The following HSD17B4 variants were observed in gnomAD, a reference collection of about 807,000 sequenced individuals.
The protein encoded by HSD17B4 is peroxisomal multifunctional enzyme type 2.
Under a neutral mutation model 101.0 loss-of-function variants are expected in HSD17B4, and 70 were observed. The observed-to-expected ratio is 0.69, with a 90% CI of 0.57 to 0.85. The LOEUF is 0.85. Ranked by LOEUF, HSD17B4 falls within the 40% of genes least tolerant of loss-of-function variation. HSD17B4 has a pLI of 0.00. For synonymous variants in HSD17B4, 347 were observed against 297.1 expected (o/e 1.17, Z -1.73); for missense variants, 984 against 892.4 (o/e 1.10, Z -1.31).
intron 2 of HSD17B4, among the ~76,000 whole-genome samples, chr5:119,456,895 G>T (rs1754736051): frequency 6.6e-6 from 1 of 152,180 alleles, no homozygotes; most frequent in South Asian, 2.1e-4. Context: ...ATTGATAAAA[G>T]TAAGAAATAA....
In HSD17B4 at chr5:119,515,020, C is replaced by G. The variant is rs1239954997; in HGVS notation, c.1477C>G (p.Leu493Val). Residue 493 changes from leucine (L) to valine (V), a missense_variant, in exon 17 of 24, where the codon CTT becomes GTT. Coordinates refer to ENST00000510025, the MANE Select transcript of HSD17B4 (RefSeq NM_000414.4). ...ACCTAATAGACCTCCTGATGCTGTA[C>G]TTACAGATACCACCTCTCTTAATCA... ...AIPNRPPDAV[L>V]TDTTSLNQAA... 2 of 1,584,528 alleles carry G rather than the reference C, an allele frequency of 1.3e-6. No individual in the cohort carries two copies. Among genetic ancestry groups the G allele is most frequent in the Non-Finnish European group, 1.7e-6 (2 of 1,153,432 alleles).
chr5:119,466,668 T>C (rs1561433905), intron 2 of HSD17B4, among the ~76,000 whole-genome samples: 1 of 152,136 alleles, frequency 6.6e-6, no homozygotes, highest in Non-Finnish European at 1.5e-5. Flanking sequence ...TGATTTTATT[T>C]GTGTTTTCTC....
At chr5:119,492,053 G>C (rs1750156557) in intron 9 of HSD17B4, 47 bp from the exon 10 acceptor site, 1 of 1,485,034 alleles carries the variant, frequency 6.7e-7, no homozygotes, top group East Asian at 2.3e-5. Context: ...AATTGTATTA[G>C]TGATTTCACA....
intron 16 of HSD17B4, 105 bp downstream of exon 16, chr5:119,509,349 G>C (rs548179361): frequency 1.2e-6 from 1 of 807,640 alleles, no homozygotes; most frequent in East Asian, 2.4e-5. Context: ...CCCACTTATA[G>C]GCAAATTTTC....
chr5:119,485,727 G>A (rs141596838), intron 8 of HSD17B4, among the ~76,000 whole-genome samples: 3 of 152,024 alleles, frequency 2.0e-5, no homozygotes, highest in East Asian at 3.9e-4. Context: ...CACTTGATAC[G>A]TGAAAAATAA....
At chr5:119,536,998 ATAT>A (rs760682811) in intron 23 of HSD17B4, among the ~76,000 whole-genome samples, 3 of 152,154 alleles carry the variant, frequency 2.0e-5, no homozygotes, top group Non-Finnish European at 2.9e-5. Flanking sequence ...TATTTAGTTA[ATAT>A]TATTATGAAA....
At chr5:119,491,783 G>A (rs908556924) in intron 9 of HSD17B4, among the ~76,000 whole-genome samples, 2 of 152,062 alleles carry the variant, frequency 1.3e-5, no homozygotes, top group Non-Finnish European at 2.9e-5. Context: ...TTACATTTGA[G>A]GAAACTTGGA....
rs372782834 is a variant in HSD17B4 at position 119,499,348 on chromosome 5, T to A, written c.1004T>A (p.Phe335Tyr). 6.2e-7 allele frequency: 1 copy of A among 1,613,654 alleles called. No homozygotes were observed. Among genetic ancestry groups the A allele is most frequent in the African/African-American group, 1.3e-5 (1 of 74,922 alleles). Residue 335 changes from phenylalanine to tyrosine, a missense_variant, in exon 13 of 24, where the codon TTT becomes TAT. By Grantham distance (22) the Phe-to-Tyr change is conservative. Transcript: ENST00000510025. ...AGAIGQKLPPFSYAYTELEAI... is the reference protein window; with the variant it reads ...AGAIGQKLPPYSYAYTELEAI... The stretch of plus-strand genomic sequence containing the variant: ...GCTATTGGCCAGAAACTCCCTCCAT[T>A]TTCTTATGCTTATACGGAACTGGAA...
At position 119,525,951 on chromosome 5, in the gene HSD17B4, A is replaced by C. The variant is rs950112251; in HGVS notation, c.1608A>C (p.Thr536=). 1 of 1,611,376 alleles carries C rather than the reference A, an allele frequency of 6.2e-7. No individual in the cohort carries two copies. Among genetic ancestry groups the C allele is most frequent in the African/African-American group, 1.3e-5 (1 of 74,804 alleles). The change falls in exon 19 of 24, where the codon ACA becomes ACC. Residue 536 remains threonine (T), a synonymous_variant. Coordinates refer to ENST00000510025, the MANE Select transcript of HSD17B4 (RefSeq NM_000414.4). The stretch of plus-strand genomic sequence containing the variant: ...AGCCCATATTACATGGATTATGTAC[A>C]TTTGGATTTTCTGCCAGGCGTGTGT... ...FDKPILHGLC[T]FGFSARRVLQ... is the part of the protein sequence containing the mutation.
At chr5:119,533,481 C>G (rs940558472) in intron 22 of HSD17B4, among the ~76,000 whole-genome samples, 2 of 151,924 alleles carry the variant, frequency 1.3e-5, no homozygotes, top group Non-Finnish European at 2.9e-5. Flanking sequence ...GCTAACTTAG[C>G]TACTGATTAT....
At chr5:119,492,619 C>T (rs112064317) in intron 10 of HSD17B4, 1 of 154,122 alleles carries the variant, frequency 6.5e-6, no homozygotes, top group African/African-American at 2.4e-5. Flanking sequence ...GGACAACTTA[C>T]TGGGACAGAA....
chr5:119,493,759 A>G (rs746503053), intron 10 of HSD17B4, 59 bp from the exon 11 acceptor site: 1 of 1,517,732 alleles, frequency 6.6e-7, no homozygotes, highest in African/African-American at 1.4e-5. Flanking sequence ...GTTCTTATGC[A>G]TCTTACTTTC....
At chr5:119,455,291 G>A (rs1754499541) in intron 1 of HSD17B4, among the ~76,000 whole-genome samples, 1 of 152,110 alleles carries the variant, frequency 6.6e-6, no homozygotes, top group Admixed American at 6.5e-5. Context: ...GGCCGAGGTG[G>A]GCTGATCACG....
At chr5:119,514,035 A>G (rs1463484368) in intron 16 of HSD17B4, among the ~76,000 whole-genome samples, 1 of 152,218 alleles carries the variant, frequency 6.6e-6, no homozygotes, top group East Asian at 1.9e-4. Flanking sequence ...TATAGATTGA[A>G]GTCAGGTCCT....
Position 119,527,211 on chromosome 5 carries a change from C to G in HSD17B4, c.1759C>G (p.Gln587Glu), listed in dbSNP as rs138507337. 210 of 1,593,762 alleles carry G rather than the reference C, an allele frequency of 1.3e-4. No individual in the cohort carries two copies. The highest frequency in any genetic ancestry group is 1.7e-4 in the Non-Finnish European group (199 of 1,162,200). Residue 587 changes from glutamine (Q) to glutamate (E), a missense_variant, in exon 20 of 24, where the codon CAA becomes GAA. Gln to Glu is a conservative substitution (Grantham distance 29). Transcript: ENST00000510025. ...MWKEGNRIHFQTKVQETGDIV... is the reference protein window; with the variant it reads ...MWKEGNRIHFETKVQETGDIV... ...GAAGGAAGGAAACAGAATTCATTTT[C>G]AAACCAAGGTATGAATTTTGCTTTT...
chr5:119,525,459 A>T (rs1171475651), intron 18 of HSD17B4, among the ~76,000 whole-genome samples, 174 bp downstream of exon 18: 1 of 152,190 alleles, frequency 6.6e-6, no homozygotes, highest in Non-Finnish European at 1.5e-5. Flanking sequence ...TGTTCAGAAA[A>T]TAGTGCACTT....
chr5:119,535,644 T>C (rs1754466400), intron 22 of HSD17B4: 1 of 147,522 alleles, frequency 6.8e-6, no homozygotes, highest in Non-Finnish European at 1.5e-5. Flanking sequence ...TTTTTTTCTT[T>C]GTGTTTGTTA....
At chr5:119,459,965 G>A (rs1755056150) in intron 2 of HSD17B4, among the ~76,000 whole-genome samples, 1 of 151,242 alleles carries the variant, frequency 6.6e-6, no homozygotes, top group South Asian at 2.1e-4. Context: ...CCACCTCCCG[G>A]GTTCACGCCA....
intron 2 of HSD17B4, among the ~76,000 whole-genome samples, chr5:119,460,706 G>A (rs1299065604): frequency 6.6e-6 from 1 of 152,218 alleles, no homozygotes; most frequent in Non-Finnish European, 1.5e-5. Flanking sequence ...ATAAAACAGA[G>A]TCCCTACTTT....
Sources: gnomAD v4.1 joint callset for allele counts (sites outside exome capture counted in the v4.1 genomes callset) on GRCh38, gnomAD v4.1.1 for gene constraint, MANE v1.5 for transcripts, NCBI Gene and HGNC (gene_info 2026-07-23, HGNC 2026-07-21) for gene names.